MAGI2: variants seen among roughly 807,000 people sequenced by gnomAD.
The protein encoded by MAGI2 is membrane-associated guanylate kinase, WW and PDZ domain-containing protein 2.
MAGI2 carries 35 observed loss-of-function variants against 133.3 expected under a neutral mutation model. That is an observed-to-expected ratio of 0.26 (90% CI 0.20 to 0.35). The LOEUF (loss-of-function observed/expected upper bound fraction) is 0.35, where lower values mean the gene tolerates loss of function less well. Ranked by LOEUF, MAGI2 falls within the 10% of genes least tolerant of loss-of-function variation. The probability of loss-of-function intolerance (pLI) is 1.00; values close to 1 mark genes in which losing one functional copy is unlikely to be tolerated. For missense variants in MAGI2, 1,636 were observed against 1,863.4 expected (o/e 0.88, Z 2.25); for synonymous variants, 729 against 710.6 (o/e 1.03, Z -0.41).
At chr7:78,295,389 A>AAAT (rs1318018937) in intron 9 of MAGI2, among the ~76,000 whole-genome samples, 5 of 152,192 alleles carry the variant, frequency 3.3e-5, no homozygotes, top group African/African-American at 1.2e-4. Context: ...AATAAACTGT[A>AAAT]AATTTGTGCA....
At chr7:78,860,643 C>A (rs576530475) in intron 2 of MAGI2, among the ~76,000 whole-genome samples, 4 of 152,254 alleles carry the variant, frequency 2.6e-5, no homozygotes, top group Admixed American at 1.3e-4. Context: ...TATGAGGTGT[C>A]ATTCGGCCCC....
chr7:78,477,121 T>TGAC (rs16690), intron 6 of MAGI2, among the ~76,000 whole-genome samples: 7 of 151,480 alleles, frequency 4.6e-5, no homozygotes, highest in African/African-American at 1.7e-4. Context: ...TGAGAGAACT[T>TGAC]TATATATTCA....
At chr7:79,404,595 A>G (rs920922031) in intron 1 of MAGI2, among the ~76,000 whole-genome samples, 9 of 152,120 alleles carry the variant, frequency 5.9e-5, no homozygotes, top group Admixed American at 1.3e-4. Flanking sequence ...TATATTTCCC[A>G]AGAGCAATCT....
At chr7:79,240,555 A>T (rs848810) in intron 1 of MAGI2, among the ~76,000 whole-genome samples, 151,835 of 152,174 alleles carry the variant, frequency 1, 75,751 homozygotes, top group Middle Eastern at 1. Context: ...CATAGTGATC[A>T]CTTGGTGATC....
chr7:78,612,666 T>G (rs929246954), intron 3 of MAGI2, among the ~76,000 whole-genome samples: 1 of 152,048 alleles, frequency 6.6e-6, no homozygotes, highest in Non-Finnish European at 1.5e-5. Context: ...AATCACATTT[T>G]ATTTTTTTTA....
chr7:78,621,781 AC>A (rs1807771981), intron 3 of MAGI2, among the ~76,000 whole-genome samples: 3 of 152,198 alleles, frequency 2.0e-5, no homozygotes, highest in Admixed American at 2.0e-4. Context: ...AGGCAGGACT[AC>A]AAATCAGGAC....
intron 1 of MAGI2, chr7:79,030,168 T>C (rs1167128845): frequency 6.6e-6 from 1 of 152,174 alleles, no homozygotes; most frequent in Non-Finnish European, 1.5e-5. Context: ...TGAAACACGG[T>C]ATCCAGGAGT....
At chr7:78,397,989 T>C (rs2151332595) in intron 6 of MAGI2, among the ~76,000 whole-genome samples, 1 of 152,186 alleles carries the variant, frequency 6.6e-6, no homozygotes, top group South Asian at 2.1e-4. Flanking sequence ...ACACTGTCTA[T>C]AAAATATAAG....
At chr7:78,409,052 A>G (rs1458667774) in intron 6 of MAGI2, among the ~76,000 whole-genome samples, 1 of 152,034 alleles carries the variant, frequency 6.6e-6, no homozygotes, top group Non-Finnish European at 1.5e-5. Flanking sequence ...GGGCACTACC[A>G]TACACTCTTC....
intron 1 of MAGI2, among the ~76,000 whole-genome samples, chr7:79,213,305 T>A (rs1016958811): frequency 2.7e-5 from 4 of 150,350 alleles, no homozygotes; most frequent in East Asian, 3.9e-4. Flanking sequence ...CGTGTGTGTA[T>A]TTACACACAC....
chr7:78,214,116 A>C (rs1383681359), intron 10 of MAGI2, among the ~76,000 whole-genome samples: 1 of 152,190 alleles, frequency 6.6e-6, no homozygotes, highest in Non-Finnish European at 1.5e-5. Context: ...GATGTTAATG[A>C]ATGTTTTCAC....
chr7:79,057,238 A>G (rs923297840), intron 1 of MAGI2, among the ~76,000 whole-genome samples: 13 of 152,168 alleles, frequency 8.5e-5, no homozygotes, highest in African/African-American at 1.9e-4. Context: ...CTCAACCTTT[A>G]CCTTTTATGG....
At chr7:78,114,359 CT>C (rs1269435707) in intron 20 of MAGI2, among the ~76,000 whole-genome samples, 4 of 152,238 alleles carry the variant, frequency 2.6e-5, no homozygotes, top group Non-Finnish European at 5.9e-5. Flanking sequence ...GTATATAACA[CT>C]GTTTTACCCA....
At chr7:79,364,033 A>G (rs1842531638) in intron 1 of MAGI2, among the ~76,000 whole-genome samples, 1 of 151,988 alleles carries the variant, frequency 6.6e-6, no homozygotes, top group Admixed American at 6.6e-5. Context: ...AATTAGAACC[A>G]TCATGAGATA....
chr7:78,659,857 C>G (rs929998475), intron 2 of MAGI2, among the ~76,000 whole-genome samples: 2 of 151,884 alleles, frequency 1.3e-5, no homozygotes, highest in African/African-American at 4.8e-5. Context: ...CCAATTATCT[C>G]AAAATAAAAG....
At chr7:78,520,741 C>T (rs569344498) in intron 4 of MAGI2, among the ~76,000 whole-genome samples, 1 of 152,020 alleles carries the variant, frequency 6.6e-6, no homozygotes, top group Non-Finnish European at 1.5e-5. Flanking sequence ...CCATACTTTG[C>T]ACAAGCACAT....
At chr7:78,549,626 G>C (rs987181396) in intron 3 of MAGI2, among the ~76,000 whole-genome samples, 1 of 152,146 alleles carries the variant, frequency 6.6e-6, no homozygotes, top group African/African-American at 2.4e-5. Flanking sequence ...TTGACTATAG[G>C]TGTGTTCCTG....
chr7:78,649,224 A>AAAAAAAAAAAAAAAAAAAAAAAAAG (rs1563294514), intron 2 of MAGI2, among the ~76,000 whole-genome samples: 1 of 75,804 alleles, frequency 1.3e-5, no homozygotes, highest in Non-Finnish European at 2.6e-5. Context: ...ACTTGTGGTA[A>AAAAAAAAAAAAAAAAAAAAAAAAAG]AAAAAAAAAA....
chr7:78,859,544 C>A (rs1488582659), intron 2 of MAGI2, among the ~76,000 whole-genome samples: 2 of 152,178 alleles, frequency 1.3e-5, no homozygotes, highest in Non-Finnish European at 2.9e-5. Context: ...AAATTCTTTT[C>A]TTTAGGAATG....
Sources: gnomAD v4.1 joint callset for allele counts (sites outside exome capture counted in the v4.1 genomes callset) on GRCh38, gnomAD v4.1.1 for gene constraint, MANE v1.5 for transcripts, NCBI Gene and HGNC (gene_info 2026-07-23, HGNC 2026-07-21) for gene names.